SEMA4F: variants seen among roughly 807,000 people sequenced by gnomAD.
The protein encoded by SEMA4F is semaphorin-4F.
In SEMA4F, 51 loss-of-function variants were observed where a neutral mutation model predicts 78.4. That is an observed-to-expected ratio of 0.65 (90% CI 0.52 to 0.82). The LOEUF (loss-of-function observed/expected upper bound fraction) is 0.82. SEMA4F is among the 40% of genes least tolerant of loss of function. The pLI, the probability that SEMA4F is intolerant of heterozygous loss-of-function variation, is 0.00. For synonymous variants in SEMA4F, 418 were observed against 408.7 expected (o/e 1.02, Z -0.27); for missense variants, 938 against 1,014.4 (o/e 0.92, Z 1.02).
intron 13 of SEMA4F, 68 bp downstream of exon 13, chr2:74,679,402 C>G: frequency 6.7e-7 from 1 of 1,498,680 alleles, no homozygotes; most frequent in Non-Finnish European, 9.3e-7. Flanking sequence ...GAGAGTTGTT[C>G]ATTTTGGAAC....
At chr2:74,657,993 C>T in intron 4 of SEMA4F, 42 bp downstream of exon 4, 3 of 1,557,694 alleles carry the variant, frequency 1.9e-6, no homozygotes, top group Non-Finnish European at 1.8e-6. Context: ...GTGCCTGCAC[C>T]AGTGTGAGTT....
chr2:74,679,647 T>A lies in SEMA4F; in HGVS notation c.1751T>A (p.Val584Asp). Residue 584 changes from valine to aspartate, a missense_variant, in exon 14 of 14, where the codon GTC (valine) becomes GAC (aspartate). By Grantham distance (152) the Val-to-Asp change is radical. Transcript: ENST00000357877. ...EVPVATAAHV[V>D]LPCSPSSAWA... ...CCCGTGGCTACAGCTGCGCATGTGGTCTTGCCATGTTCTCCAAGCTCAGCA... is the reference window on the plus strand; with the variant it reads ...CCCGTGGCTACAGCTGCGCATGTGGACTTGCCATGTTCTCCAAGCTCAGCA... 6.2e-7 allele frequency: 1 copy of A among 1,612,444 alleles called. No homozygotes were observed. The highest frequency in any genetic ancestry group is 1.1e-5 in the South Asian group (1 of 91,054).
chr2:74,673,907 C>G, intron 7 of SEMA4F, 79 bp downstream of exon 7: 2 of 1,492,650 alleles, frequency 1.3e-6, no homozygotes, highest in Non-Finnish European at 1.8e-6. Flanking sequence ...CTTTGGGTCT[C>G]TGTCTTTGAA....
chr2:74,678,478 C>T (rs1281190560), intron 12 of SEMA4F, among the ~76,000 whole-genome samples: 1 of 152,214 alleles, frequency 6.6e-6, no homozygotes, highest in African/African-American at 2.4e-5. Flanking sequence ...GTCTTGGGAG[C>T]TCATTTCAGG....
At chr2:74,687,819 C>T (rs546912212), downstream of SEMA4F, among the ~76,000 whole-genome samples, 8 of 152,288 alleles carry the variant, frequency 5.3e-5, no homozygotes, top group East Asian at 1.5e-3. Context: ...CCATCCTGGA[C>T]CCTTCTTTGC....
At chr2:74,668,491 G>C (rs550116455) in intron 5 of SEMA4F, among the ~76,000 whole-genome samples, 39 of 152,142 alleles carry the variant, frequency 2.6e-4, no homozygotes, top group Non-Finnish European at 4.9e-4. Flanking sequence ...TATCCAGCTG[G>C]CTCAATCCTT....
At chr2:74,666,744 C>G (rs1340446342) in intron 5 of SEMA4F, among the ~76,000 whole-genome samples, 1 of 152,068 alleles carries the variant, frequency 6.6e-6, no homozygotes, top group Admixed American at 6.6e-5. Context: ...ATTATATAAT[C>G]ATTAGAACCA....
chr2:74,674,507 G>A lies in SEMA4F; in HGVS notation c.832G>A (p.Gly278Arg), dbSNP rs773545349. 20 of 1,611,986 alleles carry A rather than the reference G, an allele frequency of 1.2e-5. No individual in the cohort carries two copies. Among genetic ancestry groups the A allele is most frequent in the Admixed American group, 5.0e-5 (3 of 59,722 alleles). ...GTGTTTGTCACCCCAGGGGGACCTC[G>A]GGGGCCGGAAGACCCTCCAGCAGAG... is the stretch of plus-strand genomic sequence containing the variant. ...RVARVCAGDL[G>R]GRKTLQQRWT... is the part of the protein sequence containing the mutation. Residue 278 changes from glycine to arginine, a missense_variant, in exon 8 of 14, where the codon GGG (glycine) becomes AGG (arginine). Gly to Arg is a moderately radical substitution (Grantham distance 125). Coordinates refer to ENST00000357877, the MANE Select transcript of SEMA4F (RefSeq NM_004263.5).
the SEMA4F span, among the ~76,000 whole-genome samples, chr2:74,692,030 A>G: frequency 1.3e-5 from 2 of 152,126 alleles, no homozygotes; most frequent in East Asian, 3.9e-4. Context: ...CTGGGCCAGG[A>G]GGGAAGCTGG....
At chr2:74,665,914 T>G (rs6748041) in intron 5 of SEMA4F, among the ~76,000 whole-genome samples, 32,681 of 151,170 alleles carry the variant, frequency 0.22, 4,680 homozygotes, top group East Asian at 0.83. Context: ...TTTTTTTTTT[T>G]TTTGTTTTTT....
chr2:74,654,554 C>T (rs71418741), intron 1 of SEMA4F, 33 bp downstream of exon 1: 2 of 1,513,780 alleles, frequency 1.3e-6, no homozygotes, highest in Non-Finnish European at 1.8e-6. Context: ...CTCAGCCCTT[C>T]GCGCCCACAC....
chr2:74,659,918 AG>A (rs1684343066), intron 4 of SEMA4F, among the ~76,000 whole-genome samples: 1 of 152,342 alleles, frequency 6.6e-6, no homozygotes, highest in South Asian at 2.1e-4. Flanking sequence ...ATTGGATCTA[AG>A]GGCTCCCACT....
In SEMA4F at chr2:74,654,276, G is replaced by A; in HGVS notation, c.-101G>A. On this transcript the variant is annotated 5_prime_UTR_variant, in exon 1 of 14. Transcript: ENST00000357877. ...CATCCCTCAGCCTCAGGCTGAGCCGGACCGAGCCGAGAGGACCCGAGTGGG... is the reference window on the plus strand; with the variant it reads ...CATCCCTCAGCCTCAGGCTGAGCCGAACCGAGCCGAGAGGACCCGAGTGGG... 6.1e-6 allele frequency: 8 copies of A among 1,319,040 alleles called. No homozygotes were observed. The highest frequency in any genetic ancestry group is 7.8e-6 in the Non-Finnish European group (8 of 1,025,770). 81.7% of individuals were successfully genotyped at this position (1,319,040 alleles called of 1,614,324 possible).
chr2:74,675,054 A>G lies in SEMA4F; in HGVS notation c.1149+19A>G, dbSNP rs756293769. 6.2e-7 allele frequency: 1 copy of G among 1,613,962 alleles called. No homozygotes were observed. The highest frequency in any genetic ancestry group is 1.7e-5 in the Admixed American group (1 of 60,024). ...TGGAGAGGTGAGGGGGCAGATCTTC[A>G]TTCTAGGCCTGAAGTCAAGAGCTGC... On this transcript the variant is annotated intron_variant, in intron 9 of 13. Coordinates refer to ENST00000357877, the MANE Select transcript of SEMA4F (RefSeq NM_004263.5).
the SEMA4F span, among the ~76,000 whole-genome samples, chr2:74,696,023 C>A: frequency 6.6e-6 from 1 of 152,106 alleles, no homozygotes; most frequent in Non-Finnish European, 1.5e-5. Flanking sequence ...AAAATCAAAT[C>A]TGAACCTCTG....
In SEMA4F at chr2:74,680,332, T is replaced by C. The variant is rs1685549100; in HGVS notation, c.*123T>C. On this transcript the variant is annotated 3_prime_UTR_variant, in exon 14 of 14. Coordinates refer to ENST00000357877, the MANE Select transcript of SEMA4F (RefSeq NM_004263.5). Reference sequence around the variant, plus strand: ...TGAGTTCTCTTTGAGTATGAGTGATTACTTGGATTTTAGTATCTGTTCTCT... The same window carrying C: ...TGAGTTCTCTTTGAGTATGAGTGATCACTTGGATTTTAGTATCTGTTCTCT... The C allele has an allele frequency of 3.2e-5, 37 of 1,159,644 alleles. No individual in the cohort carries two copies. Among genetic ancestry groups the C allele is most frequent in the Non-Finnish European group, 4.3e-5 (36 of 834,088 alleles). The allele number at this position is 1,159,644 out of a possible 1,614,324, so 71.8% of individuals were successfully genotyped here. A position where few individuals can be genotyped will look rare whatever the true frequency, so the allele number is the denominator to read the frequency against.
chr2:74,682,021 A>C lies in SEMA4F; in HGVS notation c.*1812A>C, dbSNP rs1045425120. Reference sequence around the variant, plus strand: ...TCAGGGTTGCTTCAAGGATTAAATGAGAAAATATGTCAACAATAAAGACCT... The same window carrying C: ...TCAGGGTTGCTTCAAGGATTAAATGCGAAAATATGTCAACAATAAAGACCT... On this transcript the variant is annotated 3_prime_UTR_variant, in exon 14 of 14. Transcript: ENST00000357877. 1 of 152,446 alleles carries C rather than the reference A, an allele frequency of 6.6e-6. No individual in the cohort carries two copies. The highest frequency in any genetic ancestry group is 2.4e-5 in the African/African-American group (1 of 41,456). The allele number at this position is 152,446 out of a possible 1,614,324, so 9.4% of individuals were successfully genotyped here.
Position 74,673,778 on chromosome 2 carries a change from T to C in SEMA4F, c.772T>C (p.Phe258Leu), listed in dbSNP as rs181221221. The C allele has an allele frequency of 3.2e-5, 51 of 1,614,230 alleles. No individual in the cohort carries two copies. In the East Asian group the frequency reaches 5.1e-4, roughly 16 times the overall value. Residue 258 changes from phenylalanine (F) to leucine (L), a missense_variant, in exon 7 of 14, where the codon TTT (phenylalanine) becomes CTT (leucine). Phe to Leu is a conservative substitution (Grantham distance 22). Coordinates refer to ENST00000357877, the MANE Select transcript of SEMA4F (RefSeq NM_004263.5). Reference sequence around the variant, plus strand: ...CTTCTTTACGGAGACTTCCCGAGCATTTGACTCATACGAGCGCATTAAAGT... The same window carrying C: ...CTTCTTTACGGAGACTTCCCGAGCACTTGACTCATACGAGCGCATTAAAGT... ...YFFFTETSRA[F>L]DSYERIKVPR...
At chr2:74,679,400 T>C (rs1462613550) in intron 13 of SEMA4F, 66 bp downstream of exon 13, 3 of 1,506,260 alleles carry the variant, frequency 2.0e-6, no homozygotes, top group Non-Finnish European at 2.8e-6. Flanking sequence ...TAGAGAGTTG[T>C]TCATTTTGGA....
Sources: gnomAD v4.1 joint callset for allele counts (sites outside exome capture counted in the v4.1 genomes callset) on GRCh38, gnomAD v4.1.1 for gene constraint, MANE v1.5 for transcripts, NCBI Gene and HGNC (gene_info 2026-07-23, HGNC 2026-07-21) for gene names.